The following MRPS17 variants were observed in gnomAD, a reference collection of about 807,000 sequenced individuals.
MRPS17 encodes the protein small ribosomal subunit protein uS17m.
A neutral mutation model predicts 11.3 loss-of-function variants in MRPS17; 6 were observed. The ratio of observed to expected loss-of-function variants is 0.53; its 90% CI spans 0.29 to 1.05. The LOEUF (loss-of-function observed/expected upper bound fraction) is 1.05, where lower values mean the gene tolerates loss of function less well. Ranked by LOEUF, MRPS17 falls within the 50% of genes least tolerant of loss-of-function variation. MRPS17 has a pLI of 0.08. For missense variants in MRPS17, 139 were observed against 153.6 expected (o/e 0.90, Z 0.50); for synonymous variants, 56 against 60.4 (o/e 0.93, Z 0.34).
rs1039728337 is a variant in MRPS17 at position 55,953,923 on chromosome 7, C to T, written c.123+605C>T. On this transcript the variant is annotated intron_variant, in intron 2 of 2. Transcript: ENST00000285298. ...GGCGGTAATACTCATGCTGGCTCAA[C>T]GCCACTCACCTCCTGCTGTGCGGCC... Among the ~76,000 whole-genome samples the T allele has an allele frequency of 4.6e-5, 7 of 152,170 alleles. No individual in the cohort carries two copies. The South Asian group carries it at 1.0e-3, about 23-fold the overall frequency.
chr7:55,953,121 C>T, intron 1 of MRPS17, 58 bp from the exon 2 acceptor site: 1 of 1,588,838 alleles, frequency 6.3e-7, no homozygotes, highest in African/African-American at 1.4e-5. Context: ...GTTCTTGTGA[C>T]AAAATTCATG....
intron 1 of MRPS17, 144 bp from the exon 2 acceptor site, chr7:55,953,035 A>C (rs796340541): frequency 3.9e-5 from 39 of 998,834 alleles, no homozygotes; most frequent in Middle Eastern, 4.5e-4. Flanking sequence ...ACATCTAAAA[A>C]AAAACAAAAC....
intron 1 of MRPS17, 31 bp from the exon 2 acceptor site, chr7:55,953,148 A>G (rs369541273): frequency 2.1e-5 from 34 of 1,610,304 alleles, no homozygotes; most frequent in Non-Finnish European, 2.9e-5. Context: ...CATAACCACC[A>G]GAATATGAGA....
chr7:55,953,481 A>G (rs1271227738), intron 2 of MRPS17, among the ~76,000 whole-genome samples, 163 bp downstream of exon 2: 4 of 152,204 alleles, frequency 2.6e-5, no homozygotes, highest in African/African-American at 9.6e-5. Flanking sequence ...ACACATTCCA[A>G]GAAAACAGTT....
chr7:55,953,807 A>T (rs1486954021), intron 2 of MRPS17, among the ~76,000 whole-genome samples: 3 of 137,448 alleles, frequency 2.2e-5, no homozygotes, highest in Non-Finnish European at 3.1e-5. Context: ...GGACAAGAGC[A>T]AAACTCTGCC....
rs1417500129 is a variant in MRPS17 at position 55,956,479 on chromosome 7, A to C, written c.*1301A>C. 1 of 152,168 alleles carries C rather than the reference A, an allele frequency of 6.6e-6. No homozygotes were observed. The highest frequency in any genetic ancestry group is 2.4e-5 in the African/African-American group (1 of 41,450). The allele number at this position is 152,168 out of a possible 1,614,324, so 9.4% of individuals were successfully genotyped here. A position where few individuals can be genotyped will look rare whatever the true frequency, so the allele number is the denominator to read the frequency against. ...TGTTAATAAGAATATTGATGTGTGG[A>C]AAATAAAATTTTACAATTCTGTGCC... On this transcript the variant is annotated 3_prime_UTR_variant, in exon 3 of 3. Coordinates refer to ENST00000285298, the MANE Select transcript of MRPS17 (RefSeq NM_015969.3).
At position 55,952,299 on chromosome 7, in the gene MRPS17, A is replaced by T. The variant is rs138493158; in HGVS notation, c.-18+369A>T. 9.8e-5 allele frequency: 15 copies of T among 152,422 alleles called. No homozygotes were observed. The East Asian group carries it at 2.9e-3, about 29-fold the overall frequency. 9.4% of individuals were successfully genotyped at this position (152,422 alleles called of 1,614,324 possible). A position where few individuals can be genotyped will look rare whatever the true frequency, so the allele number is the denominator to read the frequency against. On this transcript the variant is annotated intron_variant, in intron 1 of 2. Transcript: ENST00000285298. ...GTGGTATTGAGCGTTCTGTGGGTCA[A>T]ATTCTCAAAGCACTCCTGCGAAATA...
rs1786710233 is a variant in MRPS17, at chr7:55,955,214, G to A, written c.*36G>A. ...GAAGAAGGATCTAAAGGGAAAAACT[G>A]ACATGTTTATGTTATGGAAAAAGAA... On this transcript the variant is annotated 3_prime_UTR_variant, in exon 3 of 3. Transcript: ENST00000285298. 1 of 1,590,322 alleles carries A rather than the reference G, an allele frequency of 6.3e-7. No homozygotes were observed. The highest frequency in any genetic ancestry group is 2.2e-5 in the East Asian group (1 of 44,532).
intron 2 of MRPS17, among the ~76,000 whole-genome samples, chr7:55,954,408 T>C (rs1786697715): frequency 6.6e-6 from 1 of 152,148 alleles, no homozygotes; most frequent in Non-Finnish European, 1.5e-5. Context: ...CATATGTACC[T>C]GCTGCAACAG....
chr7:55,954,775 C>G, intron 2 of MRPS17, 134 bp from the exon 3 acceptor site: 1 of 1,089,104 alleles, frequency 9.2e-7, no homozygotes, highest in Non-Finnish European at 1.3e-6. Context: ...AATTTTTGTA[C>G]TAGAAGCCTC....
At chr7:55,952,828 A>G (rs1467453653) in intron 1 of MRPS17, among the ~76,000 whole-genome samples, 2 of 151,638 alleles carry the variant, frequency 1.3e-5, no homozygotes, top group African/African-American at 4.8e-5. Context: ...TCAGGAGATC[A>G]AGACCATCCT....
At chr7:55,953,446 C>A in intron 2 of MRPS17, 128 bp downstream of exon 2, 1 of 1,352,532 alleles carries the variant, frequency 7.4e-7, no homozygotes, top group Non-Finnish European at 1.0e-6. Flanking sequence ...AGGCATTTTG[C>A]TGGTCTGTAG....
rs374023460 is a variant in MRPS17, at chr7:55,954,455, C to A, written c.124-454C>A. 3.9e-5 allele frequency among the ~76,000 whole-genome samples: 6 copies of A among 152,122 alleles called. No individual in the cohort carries two copies. In the East Asian group the frequency reaches 7.7e-4, roughly 20 times the overall value. On this transcript the variant is annotated intron_variant, in intron 2 of 2. Transcript: ENST00000285298. ...AGAATAGGTGATTCTAGGCTGGGCG[C>A]GGTGGCTCATGCCTGTAATCCCAGC... is the stretch of plus-strand genomic sequence containing the variant.
In MRPS17 at chr7:55,955,068, G is replaced by A; in HGVS notation, c.283G>A (p.Val95Met). The change falls in exon 3 of 3, where the codon GTG becomes ATG. Residue 95 changes from valine to methionine, a missense_variant. Transcript: ENST00000285298. ...CAAAGTTGGAAAAGTCATAGATCCA[G>A]TGACAGGAAAGCCCTGTGCTGGAAC... ...VFKVGKVIDP[V>M]TGKPCAGTTY... The A allele has an allele frequency of 6.2e-7, 1 of 1,614,160 alleles. No homozygotes were observed. The highest frequency in any genetic ancestry group is 8.5e-7 in the Non-Finnish European group (1 of 1,180,038).
intron 2 of MRPS17, among the ~76,000 whole-genome samples, chr7:55,953,782 A>G (rs1786685818): frequency 6.6e-6 from 1 of 150,994 alleles, no homozygotes; most frequent in Non-Finnish European, 1.5e-5. Context: ...CAATTGTACC[A>G]TTGCACTCCA....
intron 1 of MRPS17, 62 bp from the exon 2 acceptor site, chr7:55,953,117 G>C (rs150547689): frequency 6.3e-7 from 1 of 1,582,824 alleles, no homozygotes; most frequent in African/African-American, 1.4e-5. Context: ...GACAGTTCTT[G>C]TGACAAAATT....
chr7:55,953,088 CTG>C, intron 1 of MRPS17, 89 bp from the exon 2 acceptor site: 2 of 1,412,814 alleles, frequency 1.4e-6, no homozygotes, highest in Non-Finnish European at 1.9e-6. Context: ...AAGAAAAAAA[CTG>C]TTTCTGGACT....
intron 1 of MRPS17, among the ~76,000 whole-genome samples, chr7:55,952,871 A>C (rs779621676): frequency 9.9e-5 from 15 of 150,814 alleles, no homozygotes; most frequent in Non-Finnish European, 2.1e-4. Context: ...CTCTACTAAA[A>C]ATACAAAAAA....
At chr7:55,954,503 G>A (rs751003431) in intron 2 of MRPS17, among the ~76,000 whole-genome samples, 14 of 152,158 alleles carry the variant, frequency 9.2e-5, no homozygotes. Flanking sequence ...CGAGGCAGGT[G>A]GATCACCTGA....
Sources: gnomAD v4.1 joint callset for allele counts (sites outside exome capture counted in the v4.1 genomes callset) on GRCh38, gnomAD v4.1.1 for gene constraint, MANE v1.5 for transcripts, NCBI Gene and HGNC (gene_info 2026-07-23, HGNC 2026-07-21) for gene names.